Variants in BCAR3 observed in about 807,000 individuals in gnomAD.
The protein encoded by BCAR3 is BCAR3 adaptor protein, NSP family member.
BCAR3 carries 37 observed loss-of-function variants against 80.1 expected under a neutral mutation model. The observed-to-expected ratio is 0.46, with a 90% CI of 0.36 to 0.61. The LOEUF (loss-of-function observed/expected upper bound fraction) is 0.61. Among genes scored for constraint, BCAR3 ranks in the 20% least tolerant of loss-of-function variants. The probability of loss-of-function intolerance (pLI) is 0.00; values close to 1 mark genes in which losing one functional copy is unlikely to be tolerated. For synonymous variants in BCAR3, 389 were observed against 418.9 expected (o/e 0.93, Z 0.87); for missense variants, 978 against 1,068.2 (o/e 0.92, Z 1.18).
rs543791149 is a variant in BCAR3, at chr1:93,826,931, C to T, written c.-63+18636G>A. 3.3e-4 allele frequency among the ~76,000 whole-genome samples: 50 copies of T among 152,090 alleles called. 1 individual carries two copies. The highest frequency in any genetic ancestry group is 1.4e-3 in the Admixed American group (21 of 15,288). ...CTCCCCAGGGAAAGGGACAATATGA[C>T]AGGGAGGAGTCATCAGTGGAGGGAA... On this transcript the variant is annotated intron_variant, in intron 2 of 13. Transcript: ENST00000370244.
chr1:93,619,053 C>T (rs1675229137), intron 3 of BCAR3, among the ~76,000 whole-genome samples: 1 of 151,774 alleles, frequency 6.6e-6, no homozygotes, highest in Non-Finnish European at 1.5e-5. Context: ...ATTCTCCTGC[C>T]TCAGCCTCCC....
intron 3 of BCAR3, among the ~76,000 whole-genome samples, chr1:93,612,022 G>GAGC (rs1193416041): frequency 6.6e-6 from 1 of 152,172 alleles, no homozygotes; most frequent in Non-Finnish European, 1.5e-5. Context: ...AACTAATTAT[G>GAGC]AGCAGCAAGA....
At chr1:93,598,172 G>A (rs1270589869) in intron 3 of BCAR3, among the ~76,000 whole-genome samples, 3 of 152,182 alleles carry the variant, frequency 2.0e-5, no homozygotes, top group Admixed American at 1.3e-4. Flanking sequence ...GGTCTCCTGC[G>A]TGAGCATCAG....
At position 93,646,825 on chromosome 1, in the gene BCAR3, A is replaced by C. The variant is rs1185389640; in HGVS notation, c.318-4482T>G. ...AATTAAGCATAAGTTTTATTACTTAAGTAAATACCTGAAATTCACAGCTAT... is the reference window on the plus strand; with the variant it reads ...AATTAAGCATAAGTTTTATTACTTACGTAAATACCTGAAATTCACAGCTAT... On this transcript the variant is annotated intron_variant, in intron 2 of 11. Coordinates refer to ENST00000260502, the MANE Select transcript of BCAR3 (RefSeq NM_003567.4). 4.6e-5 allele frequency among the ~76,000 whole-genome samples: 7 copies of C among 152,320 alleles called. 1 individual carries two copies. The South Asian group carries it at 1.5e-3, about 32-fold the overall frequency.
At position 93,571,669 on chromosome 1, in the gene BCAR3, C is replaced by T; in HGVS notation, c.1974+1G>A. 1 of 1,614,048 alleles carries T rather than the reference C, an allele frequency of 6.2e-7. No homozygotes were observed. The highest frequency in any genetic ancestry group is 8.5e-7 in the Non-Finnish European group (1 of 1,179,958). On this transcript the variant is annotated splice_donor_variant, in intron 9 of 11. Coordinates refer to ENST00000260502, the MANE Select transcript of BCAR3 (RefSeq NM_003567.4). LOFTEE classifies it high-confidence loss of function. ...TACACATAAAGTAATTGGAAATTTA[C>T]CTGTGGCATTTCCAGGGCTTTCATG...
chr1:93,637,086 C>T (rs915946781), intron 3 of BCAR3, among the ~76,000 whole-genome samples: 1 of 151,688 alleles, frequency 6.6e-6, no homozygotes, highest in East Asian at 1.9e-4. Context: ...ACAGAGTAAG[C>T]CCCTGTCTCA....
chr1:93,822,119 T>C (rs1003951573), intron 2 of BCAR3, among the ~76,000 whole-genome samples: 3 of 151,756 alleles, frequency 2.0e-5, no homozygotes, highest in Non-Finnish European at 2.9e-5. Context: ...GCAAAGGCAT[T>C]GAGGCATTAA....
At chr1:93,627,358 C>T (rs1460329674) in intron 3 of BCAR3, among the ~76,000 whole-genome samples, 2 of 152,108 alleles carry the variant, frequency 1.3e-5, no homozygotes, top group Non-Finnish European at 2.9e-5. Context: ...TTTCAGAGTC[C>T]ACATTGCAGT....
intron 2 of BCAR3, among the ~76,000 whole-genome samples, chr1:93,812,088 C>T (rs911842040): frequency 6.6e-6 from 1 of 152,156 alleles, no homozygotes; most frequent in African/African-American, 2.4e-5. Context: ...CCTGTAAATA[C>T]ATTTAATGGA....
intron 2 of BCAR3, among the ~76,000 whole-genome samples, chr1:93,781,982 G>A (rs1652776509): frequency 6.6e-6 from 1 of 152,284 alleles, no homozygotes. Context: ...CAAAAGGTGG[G>A]TTTTGCCCAA....
At chr1:93,653,638 C>G (rs236294) in intron 2 of BCAR3, among the ~76,000 whole-genome samples, 2,249 of 152,254 alleles carry the variant, frequency 0.015, 59 homozygotes, top group African/African-American at 0.05. Flanking sequence ...GAGGTTACAG[C>G]ACAGGGCGGA....
rs192680592 is a variant in BCAR3, at chr1:93,583,791, A to G, written c.1033+227T>C. On this transcript the variant is annotated intron_variant, in intron 6 of 11. Transcript: ENST00000260502. ...CAGTTTCCTCAGCTGTGAAATGGCAATAATCATGCCTACCCTGAAGGCTTG... is the reference window on the plus strand; with the variant it reads ...CAGTTTCCTCAGCTGTGAAATGGCAGTAATCATGCCTACCCTGAAGGCTTG... Among the ~76,000 whole-genome samples the G allele has an allele frequency of 2.3e-3, 352 of 152,314 alleles. 1 individual carries two copies. The highest frequency in any genetic ancestry group is 8.0e-3 in the African/African-American group (332 of 41,568).
intron 3 of BCAR3, among the ~76,000 whole-genome samples, chr1:93,692,397 A>G (rs954010627): frequency 3.3e-5 from 5 of 152,216 alleles, no homozygotes; most frequent in Non-Finnish European, 7.3e-5. Flanking sequence ...AGATAGTAAC[A>G]CAGTCAAGCA....
chr1:93,759,471 G>A (rs552483825), intron 2 of BCAR3, among the ~76,000 whole-genome samples: 180 of 152,244 alleles, frequency 1.2e-3, no homozygotes, highest in African/African-American at 4.0e-3. Context: ...GTTACCAAGC[G>A]GCCTCTATGG....
At chr1:93,599,218 G>A (rs1388682600) in intron 3 of BCAR3, 1 of 152,194 alleles carries the variant, frequency 6.6e-6, no homozygotes, top group Admixed American at 6.5e-5. Flanking sequence ...CATGAGGCTT[G>A]AAGCATGGAA....
At chr1:93,685,504 T>C (rs1648945218), upstream of BCAR3, among the ~76,000 whole-genome samples, 1 of 152,228 alleles carries the variant, frequency 6.6e-6, no homozygotes, top group South Asian at 2.1e-4. Flanking sequence ...ACAGAGGGAC[T>C]CTCTTCATTC....
intron 2 of BCAR3, among the ~76,000 whole-genome samples, chr1:93,730,779 G>A (rs1478794534): frequency 1.3e-5 from 2 of 152,116 alleles, no homozygotes; most frequent in Non-Finnish European, 2.9e-5. Flanking sequence ...AATATGTGTC[G>A]GTACTCCCTC....
intron 3 of BCAR3, among the ~76,000 whole-genome samples, chr1:93,702,966 C>T (rs572391647): frequency 1.9e-4 from 29 of 152,352 alleles, no homozygotes; most frequent in African/African-American, 6.3e-4. Context: ...AGCAGATGAA[C>T]AGCCCAGGGA....
chr1:93,766,652 G>A (rs12141212), intron 2 of BCAR3, among the ~76,000 whole-genome samples: 17,741 of 152,176 alleles, frequency 0.12, 1,430 homozygotes, highest in African/African-American at 0.22. Context: ...CTTTCTTAGA[G>A]TCCGCTTCAA....
Sources: allele counts gnomAD v4.1 joint callset (sites outside exome capture counted in the v4.1 genomes callset), GRCh38; gene constraint gnomAD v4.1.1; transcripts MANE v1.5; gene names NCBI Gene and HGNC (gene_info 2026-07-23, HGNC 2026-07-21).